The following RAD51B variants were observed in gnomAD, a reference collection of about 807,000 sequenced individuals.
RAD51B encodes the protein RAD51 paralog B.
RAD51B carries 38 observed loss-of-function variants against 42.2 expected under a neutral mutation model. The observed-to-expected ratio is 0.90, with a 90% CI of 0.70 to 1.18. The LOEUF (loss-of-function observed/expected upper bound fraction) is 1.18, where lower values mean the gene tolerates loss of function less well. Ranked by LOEUF, RAD51B falls within the 50% of genes most tolerant of loss-of-function variation. RAD51B has a pLI of 0.00. For missense variants in RAD51B, 373 were observed against 400.7 expected (o/e 0.93, Z 0.59); for synonymous variants, 154 against 145.2 (o/e 1.06, Z -0.43).
rs567798344 is a variant in RAD51B at position 68,633,237 on chromosome 14, G to A, written c.1037-17544G>A. ...CCTTGGGACCCCATGAAACTCTCTG[G>A]GGCTGTGCCCAGAGTCCACTTGACA... On this transcript the variant is annotated intron_variant, in intron 10 of 11. Transcript: ENST00000488612. Among the ~76,000 whole-genome samples the A allele has an allele frequency of 3.3e-5, 5 of 151,936 alleles. No individual in the cohort carries two copies. The East Asian group carries it at 9.7e-4, about 29-fold the overall frequency.
intron 10 of RAD51B, among the ~76,000 whole-genome samples, chr14:68,604,339 G>A (rs1891354199): frequency 6.6e-6 from 1 of 151,554 alleles, no homozygotes; most frequent in Admixed American, 6.6e-5. Flanking sequence ...TTTCCAGTGT[G>A]ATATTTGACA....
intron 10 of RAD51B, among the ~76,000 whole-genome samples, chr14:68,574,829 C>T (rs1239358484): frequency 2.0e-5 from 3 of 152,146 alleles, no homozygotes; most frequent in Non-Finnish European, 4.4e-5. Context: ...AAGAGCTCCT[C>T]AGAGAAGGGG....
At chr14:67,887,231 T>C (rs761312484) in intron 7 of RAD51B, 27 bp downstream of exon 7, 1 of 1,524,000 alleles carries the variant, frequency 6.6e-7, no homozygotes, top group Non-Finnish European at 9.0e-7. Flanking sequence ...TTCTCTTTTT[T>C]CTTTTCCTTT....
chr14:68,541,519 T>C lies in RAD51B; in HGVS notation c.1037-52966T>C, dbSNP rs935775583. 4 of 985,304 alleles carry C rather than the reference T, an allele frequency of 4.1e-6. No individual in the cohort carries two copies. In the African/African-American group the frequency reaches 7.0e-5, roughly 17 times the overall value. 61.0% of individuals were successfully genotyped at this position (985,304 alleles called of 1,614,324 possible). A position where few individuals can be genotyped will look rare whatever the true frequency, so the allele number is the denominator to read the frequency against. On this transcript the variant is annotated intron_variant, in intron 10 of 10. Transcript: ENST00000487270. Reference sequence around the variant, plus strand: ...CCTCGTGATTGAAGACCACTTTGCCTTGGAAACTCATGCAGGTCAGAGGGG... The same window carrying C: ...CCTCGTGATTGAAGACCACTTTGCCCTGGAAACTCATGCAGGTCAGAGGGG...
intron 8 of RAD51B, among the ~76,000 whole-genome samples, chr14:68,305,469 C>T (rs2139705781): frequency 6.6e-6 from 1 of 152,294 alleles, no homozygotes; most frequent in Non-Finnish European, 1.5e-5. Flanking sequence ...ATATGTATTG[C>T]ACTACAGTGC....
At chr14:68,258,892 A>G (rs2080816427) in intron 7 of RAD51B, among the ~76,000 whole-genome samples, 1 of 152,226 alleles carries the variant, frequency 6.6e-6, no homozygotes, top group South Asian at 2.1e-4. Flanking sequence ...CTTCTAGAAT[A>G]TCAAGAGCAG....
chr14:68,381,625 G>A (rs1050157401), intron 8 of RAD51B, among the ~76,000 whole-genome samples: 6 of 152,142 alleles, frequency 3.9e-5, no homozygotes, highest in South Asian at 4.1e-4. Flanking sequence ...GCAGTGAGCC[G>A]AGTTTGCGCC....
intron 7 of RAD51B, among the ~76,000 whole-genome samples, chr14:68,201,118 A>T (rs1047064436): frequency 5.3e-5 from 8 of 152,228 alleles, no homozygotes; most frequent in Non-Finnish European, 1.0e-4. Context: ...TAAAAAATAC[A>T]AATCATATTC....
chr14:67,846,610 CCAGTGAAGGAGCT>C (rs2041624724), intron 4 of RAD51B, among the ~76,000 whole-genome samples: 2 of 152,058 alleles, frequency 1.3e-5, no homozygotes, highest in Admixed American at 1.3e-4. Flanking sequence ...GCATTATCTG[CCAGTGAAGGAGCT>C]ATGATGTAGG....
intron 7 of RAD51B, among the ~76,000 whole-genome samples, chr14:67,968,226 T>C (rs111352054): frequency 0.025 from 3,800 of 152,264 alleles, 160 homozygotes; most frequent in African/African-American, 0.086. Flanking sequence ...CATTTTTTCC[T>C]CCTAGGCTTC....
At chr14:68,289,507 G>T (rs976000009) in intron 7 of RAD51B, among the ~76,000 whole-genome samples, 3 of 152,072 alleles carry the variant, frequency 2.0e-5, no homozygotes, top group Non-Finnish European at 4.4e-5. Flanking sequence ...TTTAGGTCAG[G>T]AGTTCTAGAC....
At chr14:68,247,891 A>G (rs1165069571) in intron 7 of RAD51B, among the ~76,000 whole-genome samples, 3 of 152,240 alleles carry the variant, frequency 2.0e-5, no homozygotes, top group Non-Finnish European at 4.4e-5. Flanking sequence ...AGTGAGGGAA[A>G]TGGTCTTCAG....
intron 10 of RAD51B, among the ~76,000 whole-genome samples, chr14:68,486,400 A>C (rs1883625377): frequency 6.6e-6 from 1 of 152,170 alleles, no homozygotes; most frequent in African/African-American, 2.4e-5. Context: ...CCAGAAACCT[A>C]TATGGGGTTT....
intron 9 of RAD51B, among the ~76,000 whole-genome samples, chr14:68,455,272 G>A (rs1207382865): frequency 6.6e-6 from 1 of 152,124 alleles, no homozygotes; most frequent in Non-Finnish European, 1.5e-5. Flanking sequence ...TCTATATCCA[G>A]CAATATTATC....
chr14:68,074,067 A>G (rs753299174), intron 7 of RAD51B, among the ~76,000 whole-genome samples: 7 of 151,926 alleles, frequency 4.6e-5, no homozygotes, highest in Non-Finnish European at 1.0e-4. Context: ...TTGTATGTCA[A>G]CCTCTCTAGT....
chr14:68,395,205 C>A (rs1285565446), intron 8 of RAD51B, among the ~76,000 whole-genome samples: 3 of 152,214 alleles, frequency 2.0e-5, no homozygotes, highest in Admixed American at 6.5e-5. Flanking sequence ...ACCCTTTCTA[C>A]CTCTCCTCTC....
chr14:67,823,576 A>G lies in RAD51B; in HGVS notation c.33A>G (p.Leu11=), dbSNP rs1256663414. Residue 11 remains leucine (L), a synonymous_variant, in exon 2 of 11, where the codon TTA becomes TTG. Coordinates refer to ENST00000471583, the MANE Select transcript of RAD51B (RefSeq NM_133510.4). ...GCAAGAAACTAAAACGAGTGGGTTT[A>G]TCACAAGAGCTGTGTGACCGTCTGA... MGSKKLKRVG[L]SQELCDRLSR... is the part of the protein sequence containing the mutation. 2 of 1,613,930 alleles carry G rather than the reference A, an allele frequency of 1.2e-6. No homozygotes were observed. The highest frequency in any genetic ancestry group is 8.5e-7 in the Non-Finnish European group (1 of 1,179,914).
At chr14:68,412,855 T>A (rs2084455827) in intron 9 of RAD51B, among the ~76,000 whole-genome samples, 1 of 152,246 alleles carries the variant, frequency 6.6e-6, no homozygotes, top group Admixed American at 6.5e-5. Context: ...AATAGCTGTG[T>A]TGCAGCTTTC....
Position 68,503,110 on chromosome 14 carries a change from G to T in RAD51B, c.1036+34860G>T, listed in dbSNP as rs187650467. On this transcript the variant is annotated intron_variant, in intron 10 of 10. Transcript: ENST00000487270. Reference sequence around the variant, plus strand: ...CCTGCAGTTTGATCTTTTCTGAAGTGGAGACAACAAAGCAAAGCCACTTCC... The same window carrying T: ...CCTGCAGTTTGATCTTTTCTGAAGTTGAGACAACAAAGCAAAGCCACTTCC... Among the ~76,000 whole-genome samples the T allele has an allele frequency of 4.5e-3, 683 of 152,296 alleles. 5 individuals are homozygous for T. The highest frequency in any genetic ancestry group is 0.014 in the African/African-American group (578 of 41,562).
Sources: gnomAD v4.1 joint callset for allele counts (sites outside exome capture counted in the v4.1 genomes callset) on GRCh38, gnomAD v4.1.1 for gene constraint, MANE v1.5 for transcripts, NCBI Gene and HGNC (gene_info 2026-07-23, HGNC 2026-07-21) for gene names.